Variants in JAKMIP1 observed in about 807,000 individuals in gnomAD.
The protein encoded by JAKMIP1 is janus kinase and microtubule interacting protein 1.
In JAKMIP1, 33 loss-of-function variants were observed where a neutral mutation model predicts 113.0. That is an observed-to-expected ratio of 0.29 (90% CI 0.22 to 0.39). JAKMIP1 has a LOEUF of 0.39. Among genes scored for constraint, JAKMIP1 ranks in the 10% least tolerant of loss-of-function variants. The probability of loss-of-function intolerance (pLI) is 1.00; values close to 1 mark genes in which losing one functional copy is unlikely to be tolerated. For synonymous variants in JAKMIP1, 480 were observed against 459.9 expected (o/e 1.04, Z -0.56); for missense variants, 813 against 1,080.5 (o/e 0.75, Z 3.47).
intron 18 of JAKMIP1, 84 bp from the exon 19 acceptor site, chr4:6,036,191 G>A: frequency 4.5e-6 from 5 of 1,122,472 alleles, no homozygotes; most frequent in Non-Finnish European, 6.4e-6. Flanking sequence ...AGTGGAGGCA[G>A]AGCCAGGGAG....
At chr4:6,085,827 A>C (rs1721211708) in intron 3 of JAKMIP1, among the ~76,000 whole-genome samples, 198 bp from the exon 4 acceptor site, 1 of 152,216 alleles carries the variant, frequency 6.6e-6, no homozygotes, top group Non-Finnish European at 1.5e-5. Flanking sequence ...CACAAGACAG[A>C]GGAGACAGAG....
chr4:6,183,259 A>G lies in JAKMIP1; in HGVS notation c.-148+16994T>C, dbSNP rs552311003. ...TTTGGGAGGCTGAGGCAGGCGCATC[A>G]CCTGAGGTCAGGAGTTTGAGACCAG... On this transcript the variant is annotated intron_variant, in intron 1 of 20. Coordinates refer to ENST00000409021, the MANE Select transcript of JAKMIP1 (RefSeq NM_001099433.2). This position sits in a 1 kb window ranked among gnomAD's most constrained non-coding sequence, Gnocchi z 5.3. Among the ~76,000 whole-genome samples, 74 of 152,080 alleles carry G rather than the reference A, an allele frequency of 4.9e-4. 2 individuals are homozygous for G. Among genetic ancestry groups the G allele is most frequent in the Middle Eastern group, 3.4e-3 (1 of 294 alleles).
Position 6,141,151 on chromosome 4 carries a change from C to T in JAKMIP1, c.-147-28154G>A, listed in dbSNP as rs573990120. Among the ~76,000 whole-genome samples the T allele has an allele frequency of 1.9e-4, 29 of 152,262 alleles. No homozygotes were observed. The highest frequency in any genetic ancestry group is 3.7e-4 in the Non-Finnish European group (25 of 68,020). On this transcript the variant is annotated intron_variant, in intron 1 of 20. Coordinates refer to ENST00000409021, the MANE Select transcript of JAKMIP1 (RefSeq NM_001099433.2). This position sits in a 1 kb window ranked among gnomAD's most constrained non-coding sequence, Gnocchi z 9.4. ...AGCTACCAACATTTAAAGTGGTAGA[C>T]GAGGCCGGGCGCAGTGGCTCATGCC...
chr4:6,041,704 A>C (rs907564859), intron 17 of JAKMIP1, among the ~76,000 whole-genome samples: 10 of 152,242 alleles, frequency 6.6e-5, no homozygotes, highest in African/African-American at 2.4e-4. Flanking sequence ...TCAATGAGAA[A>C]ACTAAAGTCC....
chr4:6,073,051 C>T (rs1239205577), intron 8 of JAKMIP1, among the ~76,000 whole-genome samples: 8 of 149,902 alleles, frequency 5.3e-5, no homozygotes, highest in Non-Finnish European at 1.0e-4. Context: ...ACACTCCAAC[C>T]TGGGCGACAG....
chr4:6,122,224 G>T (rs551873279), intron 1 of JAKMIP1, among the ~76,000 whole-genome samples: 1 of 152,256 alleles, frequency 6.6e-6, no homozygotes, highest in South Asian at 2.1e-4. Context: ...TGTTCAGAAG[G>T]CCGAGGCAGG....
chr4:6,068,558 C>CTTTT (rs35726105), intron 8 of JAKMIP1, among the ~76,000 whole-genome samples: 5 of 136,308 alleles, frequency 3.7e-5, no homozygotes, highest in African/African-American at 2.8e-5. Context: ...AATTTTTTAA[C>CTTTT]TTTTTTTTTT....
At chr4:6,041,850 G>T (rs1223571768) in intron 17 of JAKMIP1, among the ~76,000 whole-genome samples, 1 of 152,142 alleles carries the variant, frequency 6.6e-6, no homozygotes, top group Non-Finnish European at 1.5e-5. Context: ...GCTCATGAAC[G>T]CATGACCCTG....
chr4:6,170,259 T>TCAC (rs764382555), intron 1 of JAKMIP1, among the ~76,000 whole-genome samples: 11 of 120,134 alleles, frequency 9.2e-5, no homozygotes, highest in African/African-American at 1.4e-4. Context: ...CCCACCCTTC[T>TCAC]CACCACCACC....
intron 2 of JAKMIP1, among the ~76,000 whole-genome samples, chr4:6,112,409 T>C (rs540726689): frequency 1.3e-5 from 2 of 152,364 alleles, no homozygotes; most frequent in Admixed American, 6.5e-5. Flanking sequence ...CGAATCGTTC[T>C]TTGCTCAGTT....
chr4:6,196,454 T>G (rs1727856459), intron 1 of JAKMIP1, among the ~76,000 whole-genome samples: 1 of 152,208 alleles, frequency 6.6e-6, no homozygotes, highest in Non-Finnish European at 1.5e-5. Context: ...AGAGTCAGGA[T>G]GCTGTGGTCC....
rs1445966296 is a variant in JAKMIP1 at position 6,051,394 on chromosome 4, G to C, written c.1807-715C>G. 1.3e-5 allele frequency among the ~76,000 whole-genome samples: 2 copies of C among 152,020 alleles called. No individual in the cohort carries two copies. Among genetic ancestry groups the C allele is most frequent in the South Asian group, 4.2e-4 (2 of 4,806 alleles). ...CGCGCCACCACACCGGGCTAATTTT[G>C]TATTTAGATTTTGTTTCTTTTTTAG... is the stretch of plus-strand genomic sequence containing the variant. On this transcript the variant is annotated intron_variant, in intron 13 of 20. Coordinates refer to ENST00000409021, the MANE Select transcript of JAKMIP1 (RefSeq NM_001099433.2). This position sits in a 1 kb window ranked among gnomAD's most constrained non-coding sequence, Gnocchi z 5.0.
Position 6,162,668 on chromosome 4 carries a change from C to T in JAKMIP1, c.-148+37585G>A, listed in dbSNP as rs75921567. 0.024 allele frequency among the ~76,000 whole-genome samples: 3,653 copies of T among 152,318 alleles called. 145 individuals carry two copies. The highest frequency in any genetic ancestry group is 0.084 in the African/African-American group (3,485 of 41,558). On this transcript the variant is annotated intron_variant, in intron 1 of 20. Coordinates refer to ENST00000409021, the MANE Select transcript of JAKMIP1 (RefSeq NM_001099433.2). This position sits in a 1 kb window ranked among gnomAD's most constrained non-coding sequence, Gnocchi z 5.6. ...GTTAGCTCCTTAACTGTCACGACAA[C>T]CTGTTAAGGGCACAGCATTACCATC...
At chr4:6,054,391 T>C (rs1371058914) in intron 12 of JAKMIP1, among the ~76,000 whole-genome samples, 1 of 152,210 alleles carries the variant, frequency 6.6e-6, no homozygotes, top group African/African-American at 2.4e-5. Flanking sequence ...CCTCCGAGCC[T>C]GGCCCAGTGG....
rs1203140627 is a variant in JAKMIP1, at chr4:6,085,566, C to T, written c.688G>A (p.Ala230Thr). ...AGAAGCAGCTTCTGGGTCTGCCCAG[C>T]CTGCACGCCAAGTTCCTTCTCCAAG... ...LALEKELGVQ[A>T]GQTQKLLLQK... The change falls in exon 4 of 21, where the codon GCT becomes ACT. Residue 230 changes from alanine (A) to threonine (T), a missense_variant. Physicochemically the swap from Ala to Thr is moderately conservative, Grantham distance 58. This residue lies in a region of JAKMIP1 where 540 missense variants were observed against 653.9 expected (regional missense o/e 0.83). Transcript: ENST00000409021. The T allele has an allele frequency of 6.2e-7, 1 of 1,614,090 alleles. No homozygotes were observed. The highest frequency in any genetic ancestry group is 1.7e-5 in the Admixed American group (1 of 60,012).
At chr4:6,098,606 G>GA (rs1560180314) in intron 3 of JAKMIP1, among the ~76,000 whole-genome samples, 4 of 133,742 alleles carry the variant, frequency 3.0e-5, no homozygotes, top group Non-Finnish European at 4.9e-5. Flanking sequence ...AAGAAAGGAA[G>GA]AAAAGAAAGA....
In JAKMIP1 at chr4:6,181,702, T is replaced by C. The variant is rs1726040539; in HGVS notation, c.-148+18551A>G. ...GAGGGAGAGCAGCAGCAACGCAAGCTCCATTCATTCATTCATTCATTCAAC... is the reference window on the plus strand; with the variant it reads ...GAGGGAGAGCAGCAGCAACGCAAGCCCCATTCATTCATTCATTCATTCAAC... On this transcript the variant is annotated intron_variant, in intron 1 of 20. Coordinates refer to ENST00000409021, the MANE Select transcript of JAKMIP1 (RefSeq NM_001099433.2). This position sits in a 1 kb window ranked among gnomAD's most constrained non-coding sequence, Gnocchi z 5.4. Among the ~76,000 whole-genome samples, 1 of 152,128 alleles carries C rather than the reference T, an allele frequency of 6.6e-6. No individual in the cohort carries two copies. Among genetic ancestry groups the C allele is most frequent in the Non-Finnish European group, 1.5e-5 (1 of 68,006 alleles).
In JAKMIP1 at chr4:6,042,495, T is replaced by A. The variant is rs2108757413; in HGVS notation, c.2029-268A>T. ...TTCAGAGCCTGGATGGACCCGAGTG[T>A]GGGCGGCTGCGAGTGTGTGCAGCAG... On this transcript the variant is annotated intron_variant, in intron 16 of 20. Transcript: ENST00000409021. This position sits in a 1 kb window ranked among gnomAD's most constrained non-coding sequence, Gnocchi z 5.2. Among the ~76,000 whole-genome samples, 1 of 152,140 alleles carries A rather than the reference T, an allele frequency of 6.6e-6. No homozygotes were observed. Among genetic ancestry groups the A allele is most frequent in the South Asian group, 2.1e-4 (1 of 4,816 alleles).
At position 6,162,048 on chromosome 4, in the gene JAKMIP1, A is replaced by G. The variant is rs564586006; in HGVS notation, c.-148+38205T>C. Among the ~76,000 whole-genome samples, 45 of 150,738 alleles carry G rather than the reference A, an allele frequency of 3.0e-4. No individual in the cohort carries two copies. Among genetic ancestry groups the G allele is most frequent in the African/African-American group, 1.1e-3 (45 of 40,144 alleles). ...CTTGATGGAGCCGAGCAGGAAGGAAAGGGGTGGATTGCACAGGCCAGCCAT... is the reference window on the plus strand; with the variant it reads ...CTTGATGGAGCCGAGCAGGAAGGAAGGGGGTGGATTGCACAGGCCAGCCAT... On this transcript the variant is annotated intron_variant, in intron 1 of 20. Coordinates refer to ENST00000409021, the MANE Select transcript of JAKMIP1 (RefSeq NM_001099433.2). This position sits in a 1 kb window ranked among gnomAD's most constrained non-coding sequence, Gnocchi z 5.6.
Sources: gnomAD v4.1 joint callset for allele counts (sites outside exome capture counted in the v4.1 genomes callset) on GRCh38, gnomAD v4.1.1 for gene constraint, gnomAD v4.1.1 regional missense constraint, Gnocchi (gnomAD v3.1) non-coding constraint, MANE v1.5 for transcripts, NCBI Gene and HGNC (gene_info 2026-07-23, HGNC 2026-07-21) for gene names.